Variants in HEATR5B observed in about 807,000 individuals in gnomAD.
The protein encoded by HEATR5B is HEAT repeat containing 5B, also known as HEAT repeat-containing protein 5B.
Under a neutral mutation model 224.1 loss-of-function variants are expected in HEATR5B, and 156 were observed. The observed-to-expected ratio is 0.70, with a 90% CI of 0.61 to 0.80. The LOEUF (loss-of-function observed/expected upper bound fraction) is 0.80. HEATR5B is among the 30% of genes least tolerant of loss of function. The pLI is 0.00. For synonymous variants in HEATR5B, 1,027 were observed against 893.0 expected (o/e 1.15, Z -2.68); for missense variants, 2,323 against 2,535.5 (o/e 0.92, Z 1.80).
chr2:36,994,940 C>A (rs548267403), intron 33 of HEATR5B, among the ~76,000 whole-genome samples: 1 of 151,620 alleles, frequency 6.6e-6, no homozygotes, highest in African/African-American at 2.4e-5. Flanking sequence ...TTAGTAGAGA[C>A]GGGGTTTCAC....
At chr2:37,008,569 C>T in intron 28 of HEATR5B, 42 bp downstream of exon 28, 1 of 1,376,226 alleles carries the variant, frequency 7.3e-7, no homozygotes, top group Non-Finnish European at 1.0e-6. Flanking sequence ...TTAACTACTA[C>T]TTTGAACTCC....
intron 12 of HEATR5B, among the ~76,000 whole-genome samples, chr2:37,059,840 G>T (rs779013607): frequency 7.9e-5 from 12 of 151,932 alleles, no homozygotes; most frequent in Non-Finnish European, 1.8e-4. Flanking sequence ...GGTCCAGTGA[G>T]AAAAAAATAT....
At chr2:37,053,465 A>T in intron 17 of HEATR5B, 37 bp downstream of exon 17, 2 of 1,193,210 alleles carry the variant, frequency 1.7e-6, no homozygotes, top group Non-Finnish European at 1.2e-6. Context: ...ATTAATTAAA[A>T]ACTTATTTCA....
chr2:37,057,519 T>C, intron 14 of HEATR5B, 39 bp from the exon 15 acceptor site: 1 of 1,456,978 alleles, frequency 6.9e-7, no homozygotes, highest in Non-Finnish European at 9.3e-7. Flanking sequence ...AAAAGAATAA[T>C]TTTTGTGAAA....
chr2:37,017,904 C>T (rs956217825), intron 26 of HEATR5B, among the ~76,000 whole-genome samples: 1 of 151,962 alleles, frequency 6.6e-6, no homozygotes, highest in Non-Finnish European at 1.5e-5. Context: ...CATGATCTGA[C>T]CCTACTTTAA....
Position 37,065,857 on chromosome 2 carries a change from C to T in HEATR5B, c.1231G>A (p.Ala411Thr). The change falls in exon 9 of 36, where the codon GCA (alanine) becomes ACA (threonine). Residue 411 changes from alanine (A) to threonine (T), a missense_variant. Transcript: ENST00000233099. The part of the protein sequence containing the change: ...GENKSGAADI[A>T]ASQHVMVCAL... ...CAGACCATCACATGCTGGCTTGCTG[C>T]AATGTCTGCTGCGCCAGATTTGTTT... is the stretch of plus-strand genomic sequence containing the variant. 1 of 1,613,808 alleles carries T rather than the reference C, an allele frequency of 6.2e-7. No homozygotes were observed. The highest frequency in any genetic ancestry group is 8.5e-7 in the Non-Finnish European group (1 of 1,179,784).
intron 17 of HEATR5B, among the ~76,000 whole-genome samples, chr2:37,050,238 C>T (rs1670451706): frequency 6.6e-6 from 1 of 152,162 alleles, no homozygotes; most frequent in Admixed American, 6.5e-5. Flanking sequence ...CTAAAATATA[C>T]ATACATCTTC....
intron 33 of HEATR5B, among the ~76,000 whole-genome samples, chr2:36,996,218 G>A (rs551115580): frequency 2.6e-5 from 4 of 151,790 alleles, no homozygotes; most frequent in Non-Finnish European, 5.9e-5. Flanking sequence ...CTGCCACCAC[G>A]CCCAGCTAAT....
At chr2:37,050,364 A>T (rs574333935) in intron 17 of HEATR5B, among the ~76,000 whole-genome samples, 2 of 152,178 alleles carry the variant, frequency 1.3e-5, no homozygotes, top group Non-Finnish European at 2.9e-5. Context: ...GATCTATAAC[A>T]CAGCCATAGT....
Position 37,065,919 on chromosome 2 carries a change from A to T in HEATR5B, c.1178-9T>A. 6.3e-7 allele frequency: 1 copy of T among 1,598,492 alleles called. No individual in the cohort carries two copies. The highest frequency in any genetic ancestry group is 1.7e-5 in the Admixed American group (1 of 59,254). On this transcript the variant is annotated splice_polypyrimidine_tract_variant and intron_variant, in intron 8 of 35. Transcript: ENST00000233099. ...GTCATTCACTACTGCTTCTGGAAACACAAAATCATGTCTTTGACATAGGAG... is the reference window on the plus strand; with the variant it reads ...GTCATTCACTACTGCTTCTGGAAACTCAAAATCATGTCTTTGACATAGGAG...
chr2:36,996,428 C>CT (rs776769943), intron 33 of HEATR5B, among the ~76,000 whole-genome samples: 203 of 138,720 alleles, frequency 1.5e-3, no homozygotes, highest in African/African-American at 3.1e-3. Context: ...TCTTTTCTTT[C>CT]TTTTTTTTTT....
intron 28 of HEATR5B, 53 bp downstream of exon 28, chr2:37,008,558 T>C (rs773908677): frequency 8.0e-7 from 1 of 1,246,216 alleles, no homozygotes; most frequent in South Asian, 1.2e-5. Flanking sequence ...CTCTATTTTG[T>C]TTAACTACTA....
chr2:37,036,837 C>A (rs1484532299), intron 21 of HEATR5B, among the ~76,000 whole-genome samples: 1 of 151,872 alleles, frequency 6.6e-6, no homozygotes, highest in Non-Finnish European at 1.5e-5. Context: ...TAATGAAAAT[C>A]TTTTCTGAAT....
At chr2:37,060,236 T>A (rs1424052952) in intron 12 of HEATR5B, among the ~76,000 whole-genome samples, 1 of 152,234 alleles carries the variant, frequency 6.6e-6, no homozygotes, top group African/African-American at 2.4e-5. Flanking sequence ...ATCCTGAGTT[T>A]CTTTTTCTTT....
chr2:37,014,780 C>T (rs1668011373), intron 26 of HEATR5B, among the ~76,000 whole-genome samples: 1 of 150,718 alleles, frequency 6.6e-6, no homozygotes, highest in Admixed American at 6.6e-5. Flanking sequence ...AGATTGAGAC[C>T]ATCCTGACCA....
intron 1 of HEATR5B, among the ~76,000 whole-genome samples, 156 bp from the exon 2 acceptor site, chr2:37,083,592 T>G (rs1162832558): frequency 6.6e-6 from 1 of 152,070 alleles, no homozygotes; most frequent in Non-Finnish European, 1.5e-5. Context: ...TACTTTTAAA[T>G]GACAAAAATA....
intron 12 of HEATR5B, among the ~76,000 whole-genome samples, chr2:37,059,466 T>TATA (rs1558358885): frequency 1.7e-4 from 18 of 106,638 alleles, no homozygotes; most frequent in African/African-American, 6.3e-4. Flanking sequence ...ATATATATAT[T>TATA]TTTTTTTTTT....
Position 37,059,462 on chromosome 2 carries a change from A to AT in HEATR5B, c.1850-476dup, listed in dbSNP as rs1287761202. ...TGTGTGTGTGTATATATATATATAT[A>AT]TATTTTTTTTTTTTTTTTTTTGAGA... is the stretch of plus-strand genomic sequence containing the variant. On this transcript the variant is annotated intron_variant, in intron 12 of 35. Transcript: ENST00000233099. Among the ~76,000 whole-genome samples, 854 of 93,864 alleles carry AT rather than the reference A, an allele frequency of 9.1e-3. 85 individuals are homozygous for AT. The highest frequency in any genetic ancestry group is 0.019 in the South Asian group (46 of 2,406). 61.6% of individuals were successfully genotyped at this position (93,864 alleles called of 152,430 possible).
At chr2:37,055,298 A>AT (rs1277937977) in intron 16 of HEATR5B, among the ~76,000 whole-genome samples, 2 of 151,978 alleles carry the variant, frequency 1.3e-5, no homozygotes, top group South Asian at 2.1e-4. Context: ...ATATGTTTAT[A>AT]TTTTTAATAG....
Sources: gnomAD v4.1 joint callset for allele counts (sites outside exome capture counted in the v4.1 genomes callset) on GRCh38, gnomAD v4.1.1 for gene constraint, MANE v1.5 for transcripts, NCBI Gene and HGNC (gene_info 2026-07-23, HGNC 2026-07-21) for gene names.